The following OPCML variants were observed in gnomAD, a reference collection of about 807,000 sequenced individuals.
OPCML encodes opioid binding protein/cell adhesion molecule like, also known as opioid-binding protein/cell adhesion molecule.
In OPCML, 13 loss-of-function variants were observed where a neutral mutation model predicts 37.8. The ratio of observed to expected loss-of-function variants is 0.34; its 90% confidence interval spans 0.22 to 0.55. OPCML has a LOEUF of 0.55. Ranked by LOEUF, OPCML falls within the 20% of genes least tolerant of loss-of-function variation. OPCML has a pLI of 0.91. For missense variants in OPCML, 341 were observed against 435.6 expected, an observed-to-expected ratio of 0.78 and a Z score of 1.93; for synonymous variants, 176 against 168.8, an observed-to-expected ratio of 1.04 and a Z score of -0.33.
intron 1 of OPCML, among the ~76,000 whole-genome samples, chr11:133,178,051 G>A (rs977681098): frequency 5.9e-5 from 9 of 152,114 alleles, no homozygotes; most frequent in Non-Finnish European, 1.2e-4. Flanking sequence ...AGTGGTATTC[G>A]TTTCCAAGGA....
chr11:133,029,033 C>T (rs1482811707), intron 1 of OPCML, among the ~76,000 whole-genome samples: 1 of 152,020 alleles, frequency 6.6e-6, no homozygotes, highest in Non-Finnish European at 1.5e-5. Context: ...AAGCAAATAA[C>T]CTCATTAAAA....
chr11:133,483,211 A>G (rs1048572536), intron 1 of OPCML, among the ~76,000 whole-genome samples: 4 of 152,142 alleles, frequency 2.6e-5, no homozygotes, highest in South Asian at 2.1e-4. Flanking sequence ...ACCAGTTTGT[A>G]TCTGGAAGAA....
intron 5 of OPCML, 143 bp downstream of exon 5, chr11:132,437,079 T>A: frequency 7.2e-7 from 1 of 1,391,642 alleles, no homozygotes; most frequent in Non-Finnish European, 9.7e-7. Flanking sequence ...ACGGAGGCCA[T>A]GGTGGGCAAA....
intron 1 of OPCML, among the ~76,000 whole-genome samples, chr11:133,452,761 T>A (rs1217287089): frequency 6.6e-6 from 1 of 151,754 alleles, no homozygotes; most frequent in Non-Finnish European, 1.5e-5. Context: ...TGGACCTTGA[T>A]GTGTTCTTCT....
chr11:133,353,503 A>G (rs1444937524), intron 1 of OPCML, among the ~76,000 whole-genome samples: 1 of 151,784 alleles, frequency 6.6e-6, no homozygotes, highest in Non-Finnish European at 1.5e-5. Context: ...GATGAGGGGG[A>G]GCATCTGGCT....
intron 1 of OPCML, among the ~76,000 whole-genome samples, chr11:132,983,205 C>T (rs929491139): frequency 1.3e-5 from 2 of 152,110 alleles, no homozygotes; most frequent in Non-Finnish European, 2.9e-5. Context: ...AAGCCATGGC[C>T]CGGTGACCTT....
At chr11:132,554,132 C>CG (rs2096388865) in intron 3 of OPCML, among the ~76,000 whole-genome samples, 1 of 152,178 alleles carries the variant, frequency 6.6e-6, no homozygotes, top group South Asian at 2.1e-4. Context: ...GATCATTAAA[C>CG]GTGAGGATGA....
At chr11:132,987,758 A>G (rs1946706763) in intron 1 of OPCML, among the ~76,000 whole-genome samples, 2 of 152,168 alleles carry the variant, frequency 1.3e-5, no homozygotes, top group East Asian at 3.9e-4. Context: ...TCCACCAACT[A>G]GCTCCTGAGG....
intron 4 of OPCML, among the ~76,000 whole-genome samples, chr11:132,473,958 C>A (rs1489222727): frequency 6.6e-6 from 1 of 152,134 alleles, no homozygotes; most frequent in African/African-American, 2.4e-5. Context: ...CAATCTAAGG[C>A]CAATTACCTG....
chr11:132,699,893 A>C (rs1371079562), intron 2 of OPCML, among the ~76,000 whole-genome samples: 2 of 152,068 alleles, frequency 1.3e-5, no homozygotes, highest in Admixed American at 1.3e-4. Context: ...CTTCTTTTAA[A>C]TTCTTTAAGA....
At chr11:133,079,809 C>T (rs1948681471) in intron 1 of OPCML, among the ~76,000 whole-genome samples, 1 of 152,144 alleles carries the variant, frequency 6.6e-6, no homozygotes, top group African/African-American at 2.4e-5. Flanking sequence ...CCACCTCCCG[C>T]ATCCCCCAAC....
rs557269083 is a variant in OPCML at position 132,475,609 on chromosome 11, C to G, written c.506-38250G>C. Among the ~76,000 whole-genome samples the G allele has an allele frequency of 1.7e-4, 26 of 152,222 alleles. No homozygotes were observed. The East Asian group carries it at 5.0e-3, about 29-fold the overall frequency. ...ATGTGAAGAGGCTGCAAGAGGGCAGCCATCTGCAAGTTAAAGAGATATCTC... is the reference window on the plus strand; with the variant it reads ...ATGTGAAGAGGCTGCAAGAGGGCAGGCATCTGCAAGTTAAAGAGATATCTC... On this transcript the variant is annotated intron_variant, in intron 4 of 7. Transcript: ENST00000524381.
At chr11:132,760,067 T>C (rs1946205829) in intron 2 of OPCML, among the ~76,000 whole-genome samples, 1 of 152,214 alleles carries the variant, frequency 6.6e-6, no homozygotes, top group African/African-American at 2.4e-5. Flanking sequence ...CCAGTAGTCA[T>C]TCAGGAGCAG....
At chr11:132,765,529 T>TA (rs1946409563) in intron 2 of OPCML, among the ~76,000 whole-genome samples, 1 of 152,200 alleles carries the variant, frequency 6.6e-6, no homozygotes, top group Non-Finnish European at 1.5e-5. Context: ...AGCAGATTCT[T>TA]ACCTGTTTGC....
intron 2 of OPCML, among the ~76,000 whole-genome samples, chr11:132,684,890 A>G (rs1332055778): frequency 2.0e-5 from 3 of 152,204 alleles, no homozygotes; most frequent in Non-Finnish European, 4.4e-5. Flanking sequence ...CTATATTTTA[A>G]AAAACAGTTT....
intron 2 of OPCML, among the ~76,000 whole-genome samples, chr11:132,731,979 G>A (rs1222125572): frequency 6.6e-6 from 1 of 152,046 alleles, no homozygotes; most frequent in African/African-American, 2.4e-5. Flanking sequence ...CTAAGAGAAT[G>A]GATTTGAGTT....
chr11:132,876,891 G>C (rs1288927872), intron 2 of OPCML, among the ~76,000 whole-genome samples: 1 of 152,202 alleles, frequency 6.6e-6, no homozygotes, highest in Non-Finnish European at 1.5e-5. Context: ...GTAAGGCTCA[G>C]GAGGGGCATG....
At chr11:133,315,190 T>G in intron 1 of OPCML, among the ~76,000 whole-genome samples, 1 of 152,222 alleles carries the variant, frequency 6.6e-6, no homozygotes, top group Non-Finnish European at 1.5e-5. Flanking sequence ...AAGCCATGTA[T>G]CTACTTTTCC....
At chr11:132,975,573 A>C (rs1591868073) in intron 1 of OPCML, among the ~76,000 whole-genome samples, 2 of 130,242 alleles carry the variant, frequency 1.5e-5, no homozygotes, top group South Asian at 5.1e-4. Flanking sequence ...AAAAAAAAAA[A>C]AAAAAAAAAA....
Sources: gnomAD v4.1 joint callset for allele counts (sites outside exome capture counted in the v4.1 genomes callset) on GRCh38, gnomAD v4.1.1 for gene constraint, MANE v1.5 for transcripts, NCBI Gene and HGNC (gene_info 2026-07-23, HGNC 2026-07-21) for gene names.